Variants in RANBP17 observed in about 807,000 individuals in gnomAD.
The protein encoded by RANBP17 is ran-binding protein 17.
RANBP17 carries 158 observed loss-of-function variants against 141.2 expected under a neutral mutation model. The observed-to-expected ratio is 1.12, with a 90% confidence interval of 0.98 to 1.28. The LOEUF is 1.28. Ranked by LOEUF, RANBP17 falls within the 50% of genes most tolerant of loss-of-function variation. The probability of loss-of-function intolerance (pLI) is 0.00; values close to 1 mark genes in which losing one functional copy is unlikely to be tolerated. For missense variants in RANBP17, 1,438 were observed against 1,290.7 expected, an observed-to-expected ratio of 1.11 and a Z score of -1.75; for synonymous variants, 430 against 450.0, an observed-to-expected ratio of 0.96 and a Z score of 0.56.
chr5:170,947,256 T>C (rs1774841778), intron 12 of RANBP17, among the ~76,000 whole-genome samples: 1 of 152,104 alleles, frequency 6.6e-6, no homozygotes, highest in African/African-American at 2.4e-5. Context: ...TTTCATGCCA[T>C]GTTTTCTATA....
At chr5:171,224,170 G>T (rs1443130764) in intron 22 of RANBP17, among the ~76,000 whole-genome samples, 2 of 152,182 alleles carry the variant, frequency 1.3e-5, no homozygotes, top group African/African-American at 4.8e-5. Flanking sequence ...AGTGTTTCCT[G>T]TTTGGACCAC....
chr5:170,918,691 T>G, intron 9 of RANBP17, 22 bp from the exon 10 acceptor site: 1 of 1,578,308 alleles, frequency 6.3e-7, no homozygotes, highest in South Asian at 1.2e-5. Context: ...TTTTAAGCCT[T>G]TCTTTTTGTC....
At chr5:171,158,543 A>C (rs970165425) in intron 14 of RANBP17, 3 of 177,528 alleles carry the variant, frequency 1.7e-5, no homozygotes, top group African/African-American at 7.1e-5. Context: ...ACATAATAGA[A>C]AATTTTGAAA....
intron 1 of RANBP17, among the ~76,000 whole-genome samples, chr5:170,874,812 A>AT (rs2127338832): frequency 6.6e-6 from 1 of 152,254 alleles, no homozygotes; most frequent in African/African-American, 2.4e-5. Context: ...TTATTGGGGC[A>AT]TTTAGCCCAT....
Position 171,177,235 on chromosome 5 carries a change from AG to A in RANBP17, c.1866-5930del, listed in dbSNP as rs570281548. On this transcript the variant is annotated intron_variant, in intron 16 of 27. Coordinates refer to ENST00000523189, the MANE Select transcript of RANBP17 (RefSeq NM_022897.5). ...CTCTGTTTGTTTGAATACTAGAATCAGGTGTAGAATCCTCCCTATTCCTCTT... is the reference window on the plus strand; with the variant it reads ...CTCTGTTTGTTTGAATACTAGAATCAGTGTAGAATCCTCCCTATTCCTCTT... 2.6e-3 allele frequency among the ~76,000 whole-genome samples: 389 copies of A among 152,300 alleles called. 1 individual carries two copies. The highest frequency in any genetic ancestry group is 8.7e-3 in the African/African-American group (363 of 41,566).
intron 25 of RANBP17, among the ~76,000 whole-genome samples, chr5:171,270,570 A>T (rs73323485): frequency 0.026 from 4,010 of 152,142 alleles, 176 homozygotes; most frequent in African/African-American, 0.09. Flanking sequence ...TCTATGTGAA[A>T]TTTTTTCAGT....
chr5:170,967,245 T>G (rs1181526507), intron 13 of RANBP17, among the ~76,000 whole-genome samples: 1 of 152,146 alleles, frequency 6.6e-6, no homozygotes, highest in African/African-American at 2.4e-5. Flanking sequence ...TGTAGTCATA[T>G]TTGCCTGTAC....
intron 14 of RANBP17, among the ~76,000 whole-genome samples, chr5:171,052,056 G>A (rs1782985784): frequency 6.6e-6 from 1 of 152,076 alleles, no homozygotes; most frequent in South Asian, 2.1e-4. Flanking sequence ...CTTTGAAGGA[G>A]GATCTGGATT....
In RANBP17 at chr5:170,872,794, T is replaced by G. The variant is rs189834658; in HGVS notation, c.19-5303T>G. 2.8e-3 allele frequency among the ~76,000 whole-genome samples: 427 copies of G among 152,378 alleles called. 3 individuals carry two copies. Among genetic ancestry groups the G allele is most frequent in the African/African-American group, 9.5e-3 (397 of 41,600 alleles). On this transcript the variant is annotated intron_variant, in intron 1 of 27. Transcript: ENST00000523189. Reference sequence around the variant, plus strand: ...GCATCATTCTATTGAGATAATCATGTGATTTTTGTCATTGGCTCTGTTTAT... The same window carrying G: ...GCATCATTCTATTGAGATAATCATGGGATTTTTGTCATTGGCTCTGTTTAT...
intron 16 of RANBP17, among the ~76,000 whole-genome samples, chr5:171,182,079 C>G (rs1760895036): frequency 6.6e-6 from 1 of 152,148 alleles, no homozygotes; most frequent in African/African-American, 2.4e-5. Flanking sequence ...TAGAATTATG[C>G]TTTTCAGTGC....
chr5:171,229,366 C>A (rs1305540108), intron 22 of RANBP17, among the ~76,000 whole-genome samples: 1 of 152,076 alleles, frequency 6.6e-6, no homozygotes, highest in African/African-American at 2.4e-5. Flanking sequence ...CATCCATGCA[C>A]CTAACATTTG....
At chr5:171,109,546 C>G (rs1264181821) in intron 14 of RANBP17, among the ~76,000 whole-genome samples, 2 of 152,122 alleles carry the variant, frequency 1.3e-5, no homozygotes, top group African/African-American at 4.8e-5. Flanking sequence ...TCCATGGATG[C>G]TTTGGTCACT....
At chr5:171,077,203 G>C (rs1241555575) in intron 14 of RANBP17, among the ~76,000 whole-genome samples, 2 of 152,086 alleles carry the variant, frequency 1.3e-5, no homozygotes, top group Non-Finnish European at 2.9e-5. Flanking sequence ...AGCCGGGTGT[G>C]GTGGCGGGCG....
chr5:171,196,504 G>A (rs775022812), intron 18 of RANBP17, among the ~76,000 whole-genome samples: 43 of 152,148 alleles, frequency 2.8e-4, no homozygotes, highest in Non-Finnish European at 4.6e-4. Flanking sequence ...CCCAAAGGAA[G>A]GGCACTGGGC....
intron 19 of RANBP17, among the ~76,000 whole-genome samples, chr5:171,200,986 G>C (rs992787408): frequency 6.6e-6 from 1 of 152,202 alleles, no homozygotes; most frequent in Non-Finnish European, 1.5e-5. Context: ...TATTTTCAGT[G>C]ACCAACAAAA....
intron 14 of RANBP17, among the ~76,000 whole-genome samples, chr5:170,974,306 G>A (rs564722330): frequency 2.0e-5 from 3 of 152,284 alleles, no homozygotes; most frequent in Admixed American, 2.0e-4. Context: ...TTCCACAAGG[G>A]AGAAACAGGA....
intron 3 of RANBP17, among the ~76,000 whole-genome samples, chr5:170,888,919 C>T (rs1022741049): frequency 6.6e-6 from 1 of 152,090 alleles, no homozygotes; most frequent in African/African-American, 2.4e-5. Flanking sequence ...CACCATTCAA[C>T]ATCAATGGAT....
chr5:171,216,750 A>G (rs907355520), intron 21 of RANBP17, among the ~76,000 whole-genome samples: 2 of 152,164 alleles, frequency 1.3e-5, no homozygotes, highest in African/African-American at 2.4e-5. Context: ...TGATTTTTGC[A>G]CATTGATTTT....
At position 170,953,671 on chromosome 5, in the gene RANBP17, C is replaced by T; in HGVS notation, c.1543C>T (p.His515Tyr). Residue 515 changes from histidine to tyrosine, a missense_variant, in exon 13 of 28, where the codon CAT (histidine) becomes TAT (tyrosine). His to Tyr is a moderately conservative substitution (Grantham distance 83). Transcript: ENST00000523189. ...GRLTYTSTDEHDAMDGELSCR... is the reference protein window; with the variant it reads ...GRLTYTSTDEYDAMDGELSCR... ...ATTAACATATACCAGTACAGATGAGCATGATGCTATGGATGGAGAATTATC... is the reference window on the plus strand; with the variant it reads ...ATTAACATATACCAGTACAGATGAGTATGATGCTATGGATGGAGAATTATC... 6.2e-7 allele frequency: 1 copy of T among 1,608,562 alleles called. No individual in the cohort carries two copies. The highest frequency in any genetic ancestry group is 8.5e-7 in the Non-Finnish European group (1 of 1,175,414).
Sources: gnomAD v4.1 joint callset for allele counts (sites outside exome capture counted in the v4.1 genomes callset) on GRCh38, gnomAD v4.1.1 for gene constraint, MANE v1.5 for transcripts, NCBI Gene and HGNC (gene_info 2026-07-23, HGNC 2026-07-21) for gene names.